ERMP1: variants seen among roughly 807,000 people sequenced by gnomAD.
ERMP1 encodes endoplasmic reticulum metallopeptidase 1, also known as Felix-ina.
Under a neutral mutation model 92.0 loss-of-function variants are expected in ERMP1, and 86 were observed. That is an observed-to-expected ratio of 0.93 (90% CI 0.79 to 1.12). The LOEUF (loss-of-function observed/expected upper bound fraction) is 1.12, where lower values mean the gene tolerates loss of function less well. ERMP1 is among the 50% of genes most tolerant of loss of function. The pLI, the probability that ERMP1 is intolerant of heterozygous loss-of-function variation, is 0.00. For missense variants in ERMP1, 1,342 were observed against 1,116.3 expected (o/e 1.20, Z -2.88); for synonymous variants, 530 against 412.8 (o/e 1.28, Z -3.44).
intron 6 of ERMP1, among the ~76,000 whole-genome samples, chr9:5,856,916 G>A (rs1253322353): frequency 6.6e-6 from 1 of 152,102 alleles, no homozygotes; most frequent in Non-Finnish European, 1.5e-5. Context: ...TGGGCTTAAG[G>A]ACACTTCAGT....
chr9:5,842,127 A>G (rs1830172249), intron 6 of ERMP1, among the ~76,000 whole-genome samples: 1 of 152,194 alleles, frequency 6.6e-6, no homozygotes, highest in Non-Finnish European at 1.5e-5. Flanking sequence ...CAAAGCCTCC[A>G]CACAGTGCAA....
At chr9:5,787,939 GCTGTAACAGTA>G (rs1563743351) in intron 13 of ERMP1, among the ~76,000 whole-genome samples, 2 of 152,206 alleles carry the variant, frequency 1.3e-5, no homozygotes. Flanking sequence ...ACTGCGAAGT[GCTGTAACAGTA>G]CTGAATAGGA....
intron 4 of ERMP1, among the ~76,000 whole-genome samples, chr9:5,823,630 T>C (rs1179515470): frequency 2.0e-5 from 3 of 152,206 alleles, no homozygotes; most frequent in African/African-American, 4.8e-5. Context: ...AGTACTTATC[T>C]TACATGTTGT....
At chr9:5,866,681 C>G (rs995690085) in intron 5 of ERMP1, among the ~76,000 whole-genome samples, 2 of 152,116 alleles carry the variant, frequency 1.3e-5, no homozygotes, top group Non-Finnish European at 2.9e-5. Flanking sequence ...ACCCAAAGTA[C>G]TTGATTTGAA....
At chr9:5,862,994 G>A (rs1830548872) in intron 5 of ERMP1, among the ~76,000 whole-genome samples, 1 of 152,194 alleles carries the variant, frequency 6.6e-6, no homozygotes. Context: ...GTTTGTGGTA[G>A]TGCAAAAATT....
intron 6 of ERMP1, among the ~76,000 whole-genome samples, chr9:5,848,999 ATTATTT>A (rs956262096): frequency 1.8e-4 from 27 of 152,062 alleles, no homozygotes; most frequent in African/African-American, 6.3e-4. Context: ...AGTTAGTTTG[ATTATTT>A]TTATTTTTAT....
At chr9:5,840,041 T>C (rs142131842) in intron 6 of ERMP1, among the ~76,000 whole-genome samples, 590 of 152,204 alleles carry the variant, frequency 3.9e-3, no homozygotes, top group African/African-American at 0.013. Flanking sequence ...CAGGAGTTTG[T>C]GACCAACCTG....
Position 5,797,951 on chromosome 9 carries a change from TC to T in ERMP1, c.2271-20del. 1 of 1,502,746 alleles carries T rather than the reference TC, an allele frequency of 6.7e-7. No homozygotes were observed. The highest frequency in any genetic ancestry group is 9.3e-7 in the Non-Finnish European group (1 of 1,079,492). 93.1% of individuals were successfully genotyped at this position (1,502,746 alleles called of 1,614,324 possible). On this transcript the variant is annotated intron_variant, in intron 12 of 14. Transcript: ENST00000339450. ...GTTTTTCCTATTTAGAAAGGAAGCT[TC>T]AGTTTTAGGGTGCTTTATTATTTGA...
chr9:5,823,014 G>A (rs1829598797), intron 4 of ERMP1, among the ~76,000 whole-genome samples: 1 of 152,182 alleles, frequency 6.6e-6, no homozygotes, highest in African/African-American at 2.4e-5. Context: ...GCCAGGCATG[G>A]TGGTTCATGC....
At chr9:5,797,132 GAT>G (rs1414581869) in intron 13 of ERMP1, among the ~76,000 whole-genome samples, 1 of 151,882 alleles carries the variant, frequency 6.6e-6, no homozygotes, top group African/African-American at 2.4e-5. Flanking sequence ...GGGCTCAAGT[GAT>G]TCTCCCAGCT....
intron 6 of ERMP1, among the ~76,000 whole-genome samples, chr9:5,850,834 T>C (rs4289865): frequency 0.57 from 86,913 of 152,036 alleles, 25,621 homozygotes; most frequent in South Asian, 0.69. Flanking sequence ...CCTGTAATTC[T>C]ACCCTAGCCT....
intron 13 of ERMP1, among the ~76,000 whole-genome samples, chr9:5,788,426 G>C (rs1338639949): frequency 6.6e-6 from 1 of 152,084 alleles, no homozygotes; most frequent in African/African-American, 2.4e-5. Context: ...TAAAAAAGAA[G>C]GAAGAGGAAT....
intron 6 of ERMP1, among the ~76,000 whole-genome samples, chr9:5,844,030 A>G (rs972631894): frequency 2.9e-4 from 44 of 152,322 alleles, no homozygotes; most frequent in Admixed American, 1.8e-3. Flanking sequence ...TGTTCTGTGA[A>G]GTATGATGGC....
intron 10 of ERMP1, among the ~76,000 whole-genome samples, chr9:5,804,590 C>G (rs1828798426): frequency 6.6e-6 from 1 of 152,138 alleles, no homozygotes; most frequent in African/African-American, 2.4e-5. Flanking sequence ...AAAAAAGCCT[C>G]ATCAGATTTA....
intron 4 of ERMP1, among the ~76,000 whole-genome samples, chr9:5,815,569 T>C (rs1420236307): frequency 6.7e-6 from 1 of 148,646 alleles, no homozygotes; most frequent in Admixed American, 6.7e-5. Flanking sequence ...ACAGGCAGAA[T>C]GATGGAACCA....
chr9:5,855,276 T>C lies in ERMP1; in HGVS notation n.3199+4192A>G, dbSNP rs542823037. Among the ~76,000 whole-genome samples, 3 of 152,310 alleles carry C rather than the reference T, an allele frequency of 2.0e-5. No homozygotes were observed. In the South Asian group the frequency reaches 6.2e-4, roughly 32 times the overall value. ...GATGAAGCAAAAAAGGAGTGATTCC[T>C]ACTGTGAAAGATGAACTGTGGACAT... On this transcript the variant is annotated intron_variant and non_coding_transcript_variant, in intron 6 of 6. Coordinates refer to the ERMP1 transcript ENST00000690753.
At position 5,812,888 on chromosome 9, in the gene ERMP1, C is replaced by G; in HGVS notation, c.1021+1G>C. 8 of 1,613,892 alleles carry G rather than the reference C, an allele frequency of 5.0e-6. No individual in the cohort carries two copies. Among genetic ancestry groups the G allele is most frequent in the Non-Finnish European group, 6.8e-6 (8 of 1,179,854 alleles). Reference sequence around the variant, plus strand: ...GTAGGCCGTAACCATTGACAATATACCTGGAATGTTCCCAAAATCCCTGTA... The same window carrying G: ...GTAGGCCGTAACCATTGACAATATAGCTGGAATGTTCCCAAAATCCCTGTA... On this transcript the variant is annotated splice_donor_variant, in intron 5 of 14. Transcript: ENST00000339450. LOFTEE classifies it high-confidence loss of function.
At chr9:5,799,161 T>A (rs964968032) in intron 11 of ERMP1, among the ~76,000 whole-genome samples, 153 bp from the exon 12 acceptor site, 1 of 152,222 alleles carries the variant, frequency 6.6e-6, no homozygotes, top group Non-Finnish European at 1.5e-5. Flanking sequence ...ACTGCTAGCG[T>A]TCTTTATTTT....
At position 5,824,814 on chromosome 9, in the gene ERMP1, G is replaced by A. The variant is rs1829674391; in HGVS notation, c.768+278C>T. On this transcript the variant is annotated intron_variant, in intron 3 of 14. Coordinates refer to ENST00000339450, the MANE Select transcript of ERMP1 (RefSeq NM_024896.3). ...ACATCTCTGAAACTTCAATGTCAAA[G>A]AAAACCTGAGGAGAGTAATTATGCC... 4.6e-5 allele frequency among the ~76,000 whole-genome samples: 7 copies of A among 152,292 alleles called. No homozygotes were observed. The South Asian group carries it at 1.5e-3, about 32-fold the overall frequency.
Sources: allele counts gnomAD v4.1 joint callset (sites outside exome capture counted in the v4.1 genomes callset), GRCh38; gene constraint gnomAD v4.1.1; transcripts MANE v1.5; gene names NCBI Gene and HGNC (gene_info 2026-07-23, HGNC 2026-07-21).